Variants in BIN1 observed in about 807,000 individuals in gnomAD.
BIN1 encodes the protein bridging integrator 1.
In BIN1, 53 loss-of-function variants were observed where a neutral mutation model predicts 82.0. The observed-to-expected ratio is 0.65, with a 90% CI of 0.52 to 0.81. The LOEUF (loss-of-function observed/expected upper bound fraction) is 0.81, where lower values mean the gene tolerates loss of function less well. BIN1 is among the 40% of genes least tolerant of loss of function. The pLI is 0.00. For missense variants in BIN1, 642 were observed against 784.4 expected (o/e 0.82, Z 2.17); for synonymous variants, 302 against 328.0 (o/e 0.92, Z 0.86).
In BIN1 at chr2:127,068,321, G is replaced by C. The variant is rs1302462219; in HGVS notation, c.520-66C>G. The C allele has an allele frequency of 1.5e-6, 2 of 1,357,314 alleles. No individual in the cohort carries two copies. The highest frequency in any genetic ancestry group is 1.8e-5 in the Admixed American group (1 of 54,618). The allele number at this position is 1,357,314 out of a possible 1,614,324, so 84.1% of individuals were successfully genotyped here. On this transcript the variant is annotated intron_variant, in intron 6 of 18. Coordinates refer to ENST00000316724, the MANE Select transcript of BIN1 (RefSeq NM_139343.3). This position sits in a 1 kb window ranked among gnomAD's most constrained non-coding sequence, Gnocchi z 4.9. Reference sequence around the variant, plus strand: ...AGGGAGGTGGGGAGAGAGAAACAGAGACACACAGATTAAATGCAGGTCCAC... The same window carrying C: ...AGGGAGGTGGGGAGAGAGAAACAGACACACACAGATTAAATGCAGGTCCAC...
intron 7 of BIN1, among the ~76,000 whole-genome samples, chr2:127,065,766 T>C (rs930642138): frequency 2.0e-5 from 3 of 152,168 alleles, no homozygotes; most frequent in African/African-American, 7.2e-5. Flanking sequence ...CTCTCACCGC[T>C]CAGCAACGCT....
chr2:127,054,162 C>G (rs1056474162), intron 12 of BIN1, 150 bp from the exon 13 acceptor site: 1 of 688,048 alleles, frequency 1.5e-6, no homozygotes, highest in Non-Finnish European at 2.6e-6. Context: ...TACACGCACA[C>G]ACGCTGGCAC....
rs566236957 is a variant in BIN1, at chr2:127,059,662, C to T, written c.858-507G>A. Among the ~76,000 whole-genome samples the T allele has an allele frequency of 1.3e-5, 2 of 152,298 alleles. No individual in the cohort carries two copies. The highest frequency in any genetic ancestry group is 3.9e-4 in the East Asian group (2 of 5,192). ...CATCACAGCACCCTGGTACATGTCT[C>T]TAGACCTTGGCTCTCCTGTCCTCTC... On this transcript the variant is annotated intron_variant, in intron 10 of 18. Coordinates refer to ENST00000316724, the MANE Select transcript of BIN1 (RefSeq NM_139343.3). The surrounding 1 kb of genome is among the most constrained non-coding windows in gnomAD (Gnocchi z 6.7).
Position 127,054,164 on chromosome 2 carries a change from C to A in BIN1, c.1132-152G>T, listed in dbSNP as rs1417819683. ...GAGCAAGCGCACATACACGCACACA[C>A]GCTGGCACACAGCCCAGGCACCAAC... On this transcript the variant is annotated intron_variant, in intron 12 of 18. Coordinates refer to ENST00000316724, the MANE Select transcript of BIN1 (RefSeq NM_139343.3). 1.2e-5 allele frequency: 8 copies of A among 687,416 alleles called. 1 individual carries two copies. The Admixed American group carries it at 1.4e-4, about 12-fold the overall frequency. The allele number at this position is 687,416 out of a possible 1,614,324, so 42.6% of individuals were successfully genotyped here. A position where few individuals can be genotyped will look rare whatever the true frequency, so the allele number is the denominator to read the frequency against.
At chr2:127,074,214 G>A (rs1444929249) in intron 2 of BIN1, among the ~76,000 whole-genome samples, 1 of 151,932 alleles carries the variant, frequency 6.6e-6, no homozygotes, top group Non-Finnish European at 1.5e-5. Flanking sequence ...GGGCCCCCAA[G>A]CCCACTGCAG....
At position 127,048,343 on chromosome 2, in the gene BIN1, C is replaced by T. The variant is rs558139230; in HGVS notation, c.*183G>A. ...CACTGGTGAATTCCGCCGGACTTGC[C>T]GGGACGCGGCTCTTTGGAAAACGAC... On this transcript the variant is annotated 3_prime_UTR_variant, in exon 19 of 19. Transcript: ENST00000316724. 2.1e-5 allele frequency: 13 copies of T among 614,316 alleles called. No individual in the cohort carries two copies. The highest frequency in any genetic ancestry group is 1.7e-4 in the African/African-American group (9 of 54,254). 38.1% of individuals were successfully genotyped at this position (614,316 alleles called of 1,614,324 possible).
Position 127,062,206 on chromosome 2 carries a change from G to C in BIN1, c.775-9C>G. 1 of 1,596,854 alleles carries C rather than the reference G, an allele frequency of 6.3e-7. No homozygotes were observed. Among genetic ancestry groups the C allele is most frequent in the Non-Finnish European group, 8.5e-7 (1 of 1,171,364 alleles). On this transcript the variant is annotated splice_polypyrimidine_tract_variant and intron_variant, in intron 9 of 18. Coordinates refer to ENST00000316724, the MANE Select transcript of BIN1 (RefSeq NM_139343.3). Reference sequence around the variant, plus strand: ...TTGAGGTTCTGGTTGAGCTGCAGGAGAGACAGTGAGGAGGTGGGGGGCCTC... The same window carrying C: ...TTGAGGTTCTGGTTGAGCTGCAGGACAGACAGTGAGGAGGTGGGGGGCCTC...
chr2:127,086,859 C>G (rs573887776), intron 1 of BIN1, among the ~76,000 whole-genome samples: 1 of 152,220 alleles, frequency 6.6e-6, no homozygotes, highest in South Asian at 2.1e-4. Context: ...CTGGCCTCAC[C>G]CCCACATGGC....
At chr2:127,076,766 A>G in intron 1 of BIN1, 60 bp from the exon 2 acceptor site, 1 of 1,585,310 alleles carries the variant, frequency 6.3e-7, no homozygotes, top group Non-Finnish European at 8.7e-7. Context: ...GGTCAAACCA[A>G]GAGTGCTCAG....
intron 11 of BIN1, 139 bp downstream of exon 11, chr2:127,058,872 A>G: frequency 7.5e-7 from 1 of 1,334,074 alleles, no homozygotes; most frequent in African/African-American, 1.5e-5. Flanking sequence ...TCCAGGCCCA[A>G]CCCCCACTGG....
At chr2:127,064,678 G>GA (rs1684923469) in intron 7 of BIN1, 2 of 164,492 alleles carry the variant, frequency 1.2e-5, no homozygotes, top group Admixed American at 5.5e-5. Context: ...CAGGGCCAGG[G>GA]AGGAGGCAGC....
In BIN1 at chr2:127,052,248, C is replaced by A. The variant is rs1415157266; in HGVS notation, c.1371+7G>T. On this transcript the variant is annotated splice_region_variant and intron_variant, in intron 15 of 18. Transcript: ENST00000316724. ...AAGCCAGACAGGGGCTGGAGGTGGGCACTTACTTGGGCAGGCCCCGGCTCG... is the reference window on the plus strand; with the variant it reads ...AAGCCAGACAGGGGCTGGAGGTGGGAACTTACTTGGGCAGGCCCCGGCTCG... 1.9e-6 allele frequency: 3 copies of A among 1,566,174 alleles called. No homozygotes were observed.
At chr2:127,094,187 T>C (rs1293668922) in intron 1 of BIN1, among the ~76,000 whole-genome samples, 1 of 152,192 alleles carries the variant, frequency 6.6e-6, no homozygotes. Flanking sequence ...TTGTCCAAGG[T>C]CAAAGCACTG....
At chr2:127,065,221 A>G (rs898606160) in intron 7 of BIN1, among the ~76,000 whole-genome samples, 2 of 151,348 alleles carry the variant, frequency 1.3e-5, no homozygotes, top group African/African-American at 4.9e-5. Context: ...CTGAAAGGTT[A>G]CCTCCAGCTA....
At position 127,068,229 on chromosome 2, in the gene BIN1, G is replaced by A. The variant is rs147149003; in HGVS notation, c.546C>T (p.Ala182=). Residue 182 remains alanine, a synonymous_variant, in exon 7 of 19, where the codon GCC becomes GCT. Coordinates refer to ENST00000316724, the MANE Select transcript of BIN1 (RefSeq NM_139343.3). This position sits in a 1 kb window ranked among gnomAD's most constrained non-coding sequence, Gnocchi z 4.9. The part of the protein sequence containing the change: ...AKPVSLLEKA[A]PQWCQGKLQA... The stretch of plus-strand genomic sequence containing the variant: ...GCAGTTTGCCTTGGCACCACTGGGG[G>A]GCGGCTTTCTCAAGCAGCGAGACAG... 5 of 1,613,482 alleles carry A rather than the reference G, an allele frequency of 3.1e-6. No individual in the cohort carries two copies. In the African/African-American group the frequency reaches 5.3e-5, roughly 17 times the overall value.
At chr2:127,072,154 G>A (rs532171950) in intron 2 of BIN1, among the ~76,000 whole-genome samples, 3 of 152,226 alleles carry the variant, frequency 2.0e-5, no homozygotes, top group Non-Finnish European at 2.9e-5. Flanking sequence ...TCATGCTTGC[G>A]CAAGAGCCGG....
chr2:127,102,206 C>T (rs907486173), intron 1 of BIN1, among the ~76,000 whole-genome samples: 1 of 152,172 alleles, frequency 6.6e-6, no homozygotes, highest in African/African-American at 2.4e-5. Flanking sequence ...AGAGGGCCTA[C>T]CTCCAAGGGT....
chr2:127,079,402 C>T (rs900560325), intron 1 of BIN1, among the ~76,000 whole-genome samples: 22 of 152,228 alleles, frequency 1.4e-4, no homozygotes, highest in African/African-American at 4.8e-4. Flanking sequence ...CCTAAAAGGC[C>T]TTCAGAGCAG....
In BIN1 at chr2:127,067,076, A is replaced by G. The variant is rs1359559004; in HGVS notation, c.612+1087T>C. On this transcript the variant is annotated intron_variant, in intron 7 of 18. Coordinates refer to ENST00000316724, the MANE Select transcript of BIN1 (RefSeq NM_139343.3). This position sits in a 1 kb window ranked among gnomAD's most constrained non-coding sequence, Gnocchi z 4.7. ...ACGGAGAGAAACCCGTTCAAAAAAA[A>G]AAAAAAAATAGAAAAAGAAATTGGA... Among the ~76,000 whole-genome samples the G allele has an allele frequency of 6.6e-6, 1 of 152,002 alleles. No individual in the cohort carries two copies. The highest frequency in any genetic ancestry group is 2.4e-5 in the African/African-American group (1 of 41,390).
Sources: gnomAD v4.1 joint callset for allele counts (sites outside exome capture counted in the v4.1 genomes callset) on GRCh38, gnomAD v4.1.1 for gene constraint, Gnocchi (gnomAD v3.1) non-coding constraint, MANE v1.5 for transcripts, NCBI Gene and HGNC (gene_info 2026-07-23, HGNC 2026-07-21) for gene names.